The following SMYD3 variants were observed in gnomAD, a reference collection of about 807,000 sequenced individuals.
SMYD3 encodes SET and MYND domain containing 3, also known as histone-lysine N-methyltransferase SMYD3.
Under a neutral mutation model 57.7 loss-of-function variants are expected in SMYD3, and 36 were observed. That is an observed-to-expected ratio of 0.62 (90% CI 0.48 to 0.82). The LOEUF is 0.82. Among genes scored for constraint, SMYD3 ranks in the 40% least tolerant of loss-of-function variants. The pLI, the probability that SMYD3 is intolerant of heterozygous loss-of-function variation, is 0.00. For missense variants in SMYD3, 515 were observed against 538.8 expected, an observed-to-expected ratio of 0.96 and a Z score of 0.44; for synonymous variants, 211 against 195.0, an observed-to-expected ratio of 1.08 and a Z score of -0.68.
chr1:246,037,721 A>T (rs1224873689), intron 5 of SMYD3, among the ~76,000 whole-genome samples: 1 of 152,188 alleles, frequency 6.6e-6, no homozygotes, highest in East Asian at 1.9e-4. Context: ...TCACCTCTGT[A>T]AGTTGCCCCA....
At chr1:246,148,585 A>G (rs1345219401) in intron 5 of SMYD3, among the ~76,000 whole-genome samples, 3 of 152,130 alleles carry the variant, frequency 2.0e-5, no homozygotes, top group Admixed American at 2.0e-4. Flanking sequence ...CGACACCCCG[A>G]AGATCACATA....
At chr1:246,147,271 G>A (rs1468634432) in intron 5 of SMYD3, among the ~76,000 whole-genome samples, 4 of 152,062 alleles carry the variant, frequency 2.6e-5, no homozygotes, top group Non-Finnish European at 4.4e-5. Context: ...CAGCAGCTTC[G>A]ATATTTATTG....
intron 5 of SMYD3, among the ~76,000 whole-genome samples, chr1:246,094,009 C>T (rs1032801398): frequency 4.6e-5 from 7 of 152,038 alleles, no homozygotes; most frequent in African/African-American, 1.7e-4. Context: ...CGGACAGGGG[C>T]AGAGCTGTGT....
intron 5 of SMYD3, among the ~76,000 whole-genome samples, chr1:246,113,013 C>T (rs1409075903): frequency 6.6e-6 from 1 of 151,970 alleles, no homozygotes; most frequent in Non-Finnish European, 1.5e-5. Flanking sequence ...AACCCCAACT[C>T]TACTAAAAAT....
intron 10 of SMYD3, among the ~76,000 whole-genome samples, chr1:245,840,111 G>C (rs1172802100): frequency 6.6e-6 from 1 of 151,968 alleles, no homozygotes; most frequent in East Asian, 1.9e-4. Flanking sequence ...CAGAGTGAAA[G>C]AACAGAAAAA....
At chr1:245,999,882 T>TAAA (rs2059006685) in intron 5 of SMYD3, among the ~76,000 whole-genome samples, 1 of 152,234 alleles carries the variant, frequency 6.6e-6, no homozygotes, top group Non-Finnish European at 1.5e-5. Context: ...TGACTTACTT[T>TAAA]GCTTACTTCT....
At position 246,448,809 on chromosome 1, in the gene SMYD3, G is replaced by A. The variant is rs59081617; in HGVS notation, c.164+58245C>T. Among the ~76,000 whole-genome samples the A allele has an allele frequency of 7.9e-4, 118 of 149,970 alleles. 1 individual carries two copies. Among genetic ancestry groups the A allele is most frequent in the African/African-American group, 2.9e-3 (116 of 40,656 alleles). On this transcript the variant is annotated intron_variant, in intron 1 of 11. Transcript: ENST00000490107. ...TGCTTCCAATGTAGGACCAACCAGA[G>A]AAAGCCAAAAATGTACCCTTAACTA...
Position 246,384,472 on chromosome 1 carries a change from T to G in SMYD3, c.165-29378A>C, listed in dbSNP as rs1463523036. Among the ~76,000 whole-genome samples the G allele has an allele frequency of 5.3e-5, 8 of 152,000 alleles. No homozygotes were observed. In the East Asian group the frequency reaches 1.5e-3, roughly 29 times the overall value. ...GTGCAGTGGTGCCATCTCGGCTCAC[T>G]GCAACCTCCGCCACCCGGATTCAAG... is the stretch of plus-strand genomic sequence containing the variant. On this transcript the variant is annotated intron_variant, in intron 1 of 11. Coordinates refer to ENST00000490107, the MANE Select transcript of SMYD3 (RefSeq NM_001167740.2).
chr1:246,427,316 C>T (rs929485805), intron 1 of SMYD3, among the ~76,000 whole-genome samples: 2 of 151,522 alleles, frequency 1.3e-5, no homozygotes, highest in South Asian at 2.1e-4. Context: ...GTCAGGAGAT[C>T]GAGACCATCC....
chr1:246,437,243 C>T (rs2067394022), intron 1 of SMYD3, among the ~76,000 whole-genome samples: 1 of 152,150 alleles, frequency 6.6e-6, no homozygotes, highest in Non-Finnish European at 1.5e-5. Context: ...TCAGGAATCT[C>T]ACCTGTCTTT....
At chr1:246,136,264 A>G (rs2061664276) in intron 5 of SMYD3, among the ~76,000 whole-genome samples, 1 of 152,192 alleles carries the variant, frequency 6.6e-6, no homozygotes, top group African/African-American at 2.4e-5. Flanking sequence ...CATAAAAATT[A>G]GCTATCCAGG....
At chr1:246,242,023 A>C (rs557775240) in intron 5 of SMYD3, among the ~76,000 whole-genome samples, 1 of 151,700 alleles carries the variant, frequency 6.6e-6, no homozygotes, top group Admixed American at 6.6e-5. Context: ...AATTTTGTTG[A>C]TCTTTCCAAA....
chr1:245,875,676 T>A (rs982703491), intron 8 of SMYD3, among the ~76,000 whole-genome samples: 9 of 152,238 alleles, frequency 5.9e-5, no homozygotes, highest in African/African-American at 1.7e-4. Context: ...AATGCTACGA[T>A]GCCAGTCACA....
intron 10 of SMYD3, among the ~76,000 whole-genome samples, chr1:245,773,223 C>T (rs1372534626): frequency 6.6e-6 from 1 of 151,918 alleles, no homozygotes; most frequent in Admixed American, 6.6e-5. Flanking sequence ...ATACAAGGGG[C>T]TTGGGCAGCA....
intron 1 of SMYD3, among the ~76,000 whole-genome samples, chr1:246,428,620 G>C (rs1437918289): frequency 6.6e-6 from 1 of 152,226 alleles, no homozygotes; most frequent in Non-Finnish European, 1.5e-5. Flanking sequence ...GCCACAGTTA[G>C]TGAGTAGCAG....
intron 7 of SMYD3, among the ~76,000 whole-genome samples, chr1:245,926,936 A>C (rs1327679487): frequency 6.6e-6 from 1 of 152,162 alleles, no homozygotes; most frequent in African/African-American, 2.4e-5. Context: ...CTGGTCCTAA[A>C]ATCTGGAAAT....
intron 5 of SMYD3, among the ~76,000 whole-genome samples, chr1:245,990,639 T>C (rs10802309): frequency 0.51 from 77,631 of 152,056 alleles, 23,524 homozygotes; most frequent in Middle Eastern, 0.69. Flanking sequence ...GGAATCATCT[T>C]GGTCTGAAGG....
chr1:246,141,191 G>C (rs1404892705), intron 5 of SMYD3, among the ~76,000 whole-genome samples: 2 of 152,086 alleles, frequency 1.3e-5, no homozygotes, highest in East Asian at 3.9e-4. Context: ...AATACATAAG[G>C]GAGCAGTCAC....
chr1:246,249,895 T>C (rs1053294554), intron 5 of SMYD3, among the ~76,000 whole-genome samples: 5 of 152,230 alleles, frequency 3.3e-5, no homozygotes, highest in African/African-American at 7.2e-5. Flanking sequence ...TTAAACTTTA[T>C]CTCTTTTCTT....
Sources: allele counts gnomAD v4.1 joint callset (sites outside exome capture counted in the v4.1 genomes callset), GRCh38; gene constraint gnomAD v4.1.1; transcripts MANE v1.5; gene names NCBI Gene and HGNC (gene_info 2026-07-23, HGNC 2026-07-21).